Variants in UBAP1 observed in about 807,000 individuals in gnomAD.
The protein encoded by UBAP1 is ubiquitin-associated protein 1.
In UBAP1, 5 loss-of-function variants were observed where a neutral mutation model predicts 39.0. The ratio of observed to expected loss-of-function variants is 0.13; its 90% CI spans 0.07 to 0.27. UBAP1 has a LOEUF of 0.27. UBAP1 is among the 10% of genes least tolerant of loss of function. The pLI, the probability that UBAP1 is intolerant of heterozygous loss-of-function variation, is 1.00. For synonymous variants in UBAP1, 211 were observed against 225.1 expected, an observed-to-expected ratio of 0.94 and a Z score of 0.56; for missense variants, 490 against 608.1, an observed-to-expected ratio of 0.81 and a Z score of 2.04.
rs773400546 is a variant in UBAP1 at position 34,241,232 on chromosome 9, TAAG to T, written c.210_212del (p.Lys71del). 1.3e-6 allele frequency: 2 copies of T among 1,500,466 alleles called. No individual in the cohort carries two copies. The highest frequency in any genetic ancestry group is 1.8e-6 in the Non-Finnish European group (2 of 1,125,830). 92.9% of individuals were successfully genotyped at this position (1,500,466 alleles called of 1,614,324 possible). The stretch of plus-strand genomic sequence containing the variant: ...AAACCATTGAGTGGGCTGAAGAGAT[TAAG>T]AAAATCGAAGAAGCCGAGCGGGAAG... On this transcript the variant is annotated inframe_deletion, in exon 4 of 7. Transcript: ENST00000297661.
chr9:34,208,792 A>T (rs1163242618), intron 1 of UBAP1, among the ~76,000 whole-genome samples: 1 of 150,150 alleles, frequency 6.7e-6, no homozygotes, highest in Admixed American at 6.6e-5. Flanking sequence ...AAAAAAAAAA[A>T]AATTAGCTGG....
intron 1 of UBAP1, among the ~76,000 whole-genome samples, chr9:34,181,635 G>T (rs375996509): frequency 2.1e-4 from 28 of 135,792 alleles, no homozygotes; most frequent in East Asian, 9.5e-4. Flanking sequence ...GGTTTCACTG[G>T]GTTAGCCAGG....
chr9:34,215,629 C>CT (rs1832266429), intron 1 of UBAP1, among the ~76,000 whole-genome samples: 1 of 151,770 alleles, frequency 6.6e-6, no homozygotes, highest in African/African-American at 2.4e-5. Flanking sequence ...CAAATCACCA[C>CT]TAAGGAACTT....
intron 1 of UBAP1, 73 bp from the exon 2 acceptor site, chr9:34,220,835 T>C: frequency 7.1e-7 from 1 of 1,403,050 alleles, no homozygotes; most frequent in South Asian, 1.2e-5. Context: ...CTGGTTTCTT[T>C]TTTGTACTCT....
chr9:34,221,034 C>T (rs1166916634), intron 2 of UBAP1, 86 bp downstream of exon 2: 1 of 1,201,588 alleles, frequency 8.3e-7, no homozygotes, highest in South Asian at 1.3e-5. Context: ...GTACAAGTGC[C>T]CCTTTTTGTC....
chr9:34,251,542 C>T lies in UBAP1; in HGVS notation c.*10C>T, dbSNP rs1459908251. On this transcript the variant is annotated 3_prime_UTR_variant, in exon 7 of 7. Coordinates refer to ENST00000297661, the MANE Select transcript of UBAP1 (RefSeq NM_016525.5). ...GGCAGGAGCCAGCTGAGACCAGGCC[C>T]TGCCTAGGCCCTGCCGCAGAACCAC... 6.2e-7 allele frequency: 1 copy of T among 1,612,410 alleles called. No individual in the cohort carries two copies. Among genetic ancestry groups the T allele is most frequent in the Admixed American group, 1.7e-5 (1 of 59,754 alleles).
Position 34,242,124 on chromosome 9 carries a change from C to G in UBAP1, c.1083+16C>G. On this transcript the variant is annotated intron_variant, in intron 4 of 6. Transcript: ENST00000297661. ...TGGTCCCACGGTAAGTCTTTTAAAT[C>G]CCCCGCCGACTCCCATATTTTCCTG... The G allele has an allele frequency of 6.4e-7, 1 of 1,556,094 alleles. No homozygotes were observed. The highest frequency in any genetic ancestry group is 1.2e-5 in the South Asian group (1 of 84,920).
chr9:34,185,673 C>T (rs1214437320), intron 1 of UBAP1, among the ~76,000 whole-genome samples: 1 of 152,104 alleles, frequency 6.6e-6, no homozygotes, highest in African/African-American at 2.4e-5. Flanking sequence ...CGGTGAAACC[C>T]CGTCTCTACT....
chr9:34,204,765 G>A (rs1020830527), intron 1 of UBAP1, among the ~76,000 whole-genome samples: 5 of 151,842 alleles, frequency 3.3e-5, no homozygotes, highest in Admixed American at 6.6e-5. Flanking sequence ...CTTGCCTTCT[G>A]GTATGAATTG....
At position 34,230,413 on chromosome 9, in the gene UBAP1, T is replaced by G. The variant is rs950173129; in HGVS notation, c.35-3803T>G. On this transcript the variant is annotated intron_variant, in intron 2 of 6. Coordinates refer to ENST00000297661, the MANE Select transcript of UBAP1 (RefSeq NM_016525.5). ...TAGATTTTATCATTTTTGTGTATCATCTGTGCTTATTAGTGTTAAACAAAA... is the reference window on the plus strand; with the variant it reads ...TAGATTTTATCATTTTTGTGTATCAGCTGTGCTTATTAGTGTTAAACAAAA... 1.4e-4 allele frequency among the ~76,000 whole-genome samples: 21 copies of G among 152,332 alleles called. No individual in the cohort carries two copies. The South Asian group carries it at 3.9e-3, about 29-fold the overall frequency.
chr9:34,220,211 G>A (rs1832687083), intron 1 of UBAP1, among the ~76,000 whole-genome samples: 2 of 120,798 alleles, frequency 1.7e-5, no homozygotes, highest in African/African-American at 6.6e-5. Context: ...AGAGTTCAGT[G>A]GCACCTTCTT....
chr9:34,210,381 C>G (rs1256721793), intron 1 of UBAP1, among the ~76,000 whole-genome samples: 1 of 152,108 alleles, frequency 6.6e-6, no homozygotes, highest in Non-Finnish European at 1.5e-5. Flanking sequence ...ACGTTCTTAA[C>G]TAACACAAAA....
intron 3 of UBAP1, 131 bp from the exon 4 acceptor site, chr9:34,241,054 A>C: frequency 3.4e-6 from 2 of 587,692 alleles, no homozygotes; most frequent in Non-Finnish European, 5.5e-6. Context: ...AGTGGGGATC[A>C]TCCCACACGC....
intron 1 of UBAP1, among the ~76,000 whole-genome samples, chr9:34,182,631 CTTTCTT>C (rs898353988): frequency 1.8e-5 from 1 of 54,998 alleles, no homozygotes; most frequent in Non-Finnish European, 4.6e-5. Context: ...TTCTTTCTTT[CTTTCTT>C]TCTTTCTTTC....
chr9:34,222,189 G>C (rs1832797359), intron 2 of UBAP1, among the ~76,000 whole-genome samples: 1 of 152,156 alleles, frequency 6.6e-6, no homozygotes, highest in Non-Finnish European at 1.5e-5. Context: ...CTGGGGACGT[G>C]TTGGTATGCT....
intron 2 of UBAP1, among the ~76,000 whole-genome samples, chr9:34,225,955 C>T (rs990749248): frequency 2.6e-5 from 4 of 151,754 alleles, no homozygotes; most frequent in East Asian, 1.9e-4. Flanking sequence ...ATCACTTTAT[C>T]GAGGTATAAT....
chr9:34,223,423 AAAG>A (rs1463417679), intron 2 of UBAP1, among the ~76,000 whole-genome samples: 2 of 152,042 alleles, frequency 1.3e-5, no homozygotes, highest in Non-Finnish European at 2.9e-5. Flanking sequence ...AAAAAAAAAA[AAAG>A]AATTCTTAAC....
intron 5 of UBAP1, among the ~76,000 whole-genome samples, chr9:34,250,297 G>C (rs192772508): frequency 1.8e-4 from 27 of 152,326 alleles, no homozygotes; most frequent in African/African-American, 6.5e-4. Flanking sequence ...TCTATGCCCA[G>C]AGTGTTGAAT....
chr9:34,224,544 G>T, intron 2 of UBAP1: 1 of 438,672 alleles, frequency 2.3e-6, no homozygotes, highest in Non-Finnish European at 3.9e-6. Context: ...GGGCACCCCT[G>T]CTCATACTTC....
Sources: gnomAD v4.1 joint callset for allele counts (sites outside exome capture counted in the v4.1 genomes callset) on GRCh38, gnomAD v4.1.1 for gene constraint, MANE v1.5 for transcripts, NCBI Gene and HGNC (gene_info 2026-07-23, HGNC 2026-07-21) for gene names.